DBX2: variants seen among roughly 807,000 people sequenced by gnomAD.
DBX2 encodes the protein developing brain homeobox 2, also known as homeobox protein DBX2.
In DBX2, 16 loss-of-function variants were observed where a neutral mutation model predicts 17.7. The ratio of observed to expected loss-of-function variants is 0.90; its 90% CI spans 0.61 to 1.37. The LOEUF is 1.37. Among genes scored for constraint, DBX2 ranks in the 40% most tolerant of loss-of-function variants. The pLI, the probability that DBX2 is intolerant of heterozygous loss-of-function variation, is 0.00. For synonymous variants in DBX2, 255 were observed against 183.8 expected (o/e 1.39, Z -3.13); for missense variants, 538 against 433.8 (o/e 1.24, Z -2.13).
At chr12:45,023,439 AC>A (rs1359811686) in intron 3 of DBX2, among the ~76,000 whole-genome samples, 1 of 152,162 alleles carries the variant, frequency 6.6e-6, no homozygotes, top group Non-Finnish European at 1.5e-5. Context: ...AATGGCAAAA[AC>A]CTAGACCTCT....
chr12:45,041,333 T>G (rs1946470313), intron 1 of DBX2, among the ~76,000 whole-genome samples: 1 of 152,008 alleles, frequency 6.6e-6, no homozygotes, highest in African/African-American at 2.4e-5. Context: ...TCTAAACTTC[T>G]GACTTGCAAA....
intron 1 of DBX2, among the ~76,000 whole-genome samples, chr12:45,049,339 G>C (rs555323899): frequency 6.6e-6 from 1 of 152,136 alleles, no homozygotes; most frequent in South Asian, 2.1e-4. Flanking sequence ...AAAGAACAGA[G>C]AGGCCCAAAT....
intron 2 of DBX2, among the ~76,000 whole-genome samples, chr12:45,033,026 C>T (rs985970835): frequency 6.6e-6 from 1 of 152,136 alleles, no homozygotes; most frequent in African/African-American, 2.4e-5. Context: ...GTTACCACTG[C>T]CTTTTAATTT....
intron 2 of DBX2, among the ~76,000 whole-genome samples, chr12:45,031,121 G>C (rs7298435): frequency 0.013 from 2,021 of 151,326 alleles, 47 homozygotes; most frequent in African/African-American, 0.046. Flanking sequence ...CCTCACAGTT[G>C]CAACTTCCTA....
intron 2 of DBX2, among the ~76,000 whole-genome samples, chr12:45,025,672 A>G (rs1333639241): frequency 6.6e-6 from 1 of 150,878 alleles, no homozygotes; most frequent in Admixed American, 6.7e-5. Flanking sequence ...ACTATGTAAC[A>G]TAGCACCAGA....
intron 3 of DBX2, among the ~76,000 whole-genome samples, chr12:45,017,798 A>G (rs1004023667): frequency 6.6e-6 from 1 of 152,162 alleles, no homozygotes; most frequent in African/African-American, 2.4e-5. Flanking sequence ...TTAAAAGCCA[A>G]TCATGTTTTT....
chr12:45,046,551 C>A (rs565953583), intron 1 of DBX2, among the ~76,000 whole-genome samples: 1 of 152,286 alleles, frequency 6.6e-6, no homozygotes, highest in East Asian at 1.9e-4. Flanking sequence ...ATCACAAAGT[C>A]TTTACTTAGA....
intron 1 of DBX2, among the ~76,000 whole-genome samples, chr12:45,037,903 GT>G (rs2137028180): frequency 6.6e-6 from 1 of 151,978 alleles, no homozygotes; most frequent in Admixed American, 6.5e-5. Context: ...TCAAGTGTTT[GT>G]TTTAATGCTG....
At chr12:45,041,847 C>T (rs1946473142) in intron 1 of DBX2, among the ~76,000 whole-genome samples, 1 of 152,152 alleles carries the variant, frequency 6.6e-6, no homozygotes. Context: ...TATTCTTTAA[C>T]TTACAGATTT....
intron 1 of DBX2, among the ~76,000 whole-genome samples, chr12:45,049,757 A>G (rs1303742447): frequency 6.6e-6 from 1 of 151,730 alleles, no homozygotes; most frequent in Non-Finnish European, 1.5e-5. Context: ...CCTACATAAT[A>G]TTTGCTAATA....
intron 3 of DBX2, among the ~76,000 whole-genome samples, chr12:45,019,416 A>G (rs778579384): frequency 1.3e-5 from 2 of 152,126 alleles, no homozygotes; most frequent in African/African-American, 2.4e-5. Context: ...AATAACAAAT[A>G]GCATTGCCCA....
chr12:45,044,332 T>C (rs555109970), intron 1 of DBX2, among the ~76,000 whole-genome samples: 1 of 152,288 alleles, frequency 6.6e-6, no homozygotes, highest in African/African-American at 2.4e-5. Flanking sequence ...CAGTCACGGT[T>C]TTTATTCCTT....
At chr12:45,039,273 G>T (rs1321750876) in intron 1 of DBX2, among the ~76,000 whole-genome samples, 1 of 98,864 alleles carries the variant, frequency 1.0e-5, no homozygotes, top group Non-Finnish European at 1.9e-5. Flanking sequence ...GCACTGCATT[G>T]AAGGTATATA....
Position 45,023,742 on chromosome 12 carries a change from T to C in DBX2, c.652A>G (p.Lys218Glu). ...TTTAGTCCCAAGTTGATGGCAAGTT[T>C]CTTTCGGTCTGTTTTGCTGATATAT... ...QKYISKTDRK[K>E]LAINLGLKES... The change falls in exon 3 of 4, where the codon AAA becomes GAA. Residue 218 changes from lysine to glutamate, a missense_variant. By Grantham distance (56) the Lys-to-Glu change is moderately conservative. Transcript: ENST00000332700. 6.2e-7 allele frequency: 1 copy of C among 1,614,192 alleles called. No homozygotes were observed. Among genetic ancestry groups the C allele is most frequent in the African/African-American group, 1.3e-5 (1 of 75,066 alleles).
At chr12:45,025,457 T>A (rs147544566) in intron 2 of DBX2, among the ~76,000 whole-genome samples, 222 of 152,170 alleles carry the variant, frequency 1.5e-3, no homozygotes, top group African/African-American at 5.2e-3. Flanking sequence ...AAATAATAAG[T>A]ACCTGTTGCT....
intron 1 of DBX2, among the ~76,000 whole-genome samples, chr12:45,043,856 C>T (rs954000817): frequency 6.6e-6 from 1 of 152,148 alleles, no homozygotes; most frequent in Non-Finnish European, 1.5e-5. Flanking sequence ...CTTACCAGTG[C>T]GCTTTTGAGG....
chr12:45,018,029 A>G (rs944261566), intron 3 of DBX2, among the ~76,000 whole-genome samples: 2 of 152,280 alleles, frequency 1.3e-5, no homozygotes. Context: ...AATGGCAACA[A>G]AAAAAATCTA....
chr12:45,033,095 AG>A (rs2137025445), intron 2 of DBX2, among the ~76,000 whole-genome samples: 1 of 152,342 alleles, frequency 6.6e-6, no homozygotes, highest in South Asian at 2.1e-4. Context: ...ATATGTGAGA[AG>A]GCCATTGAAT....
chr12:45,026,346 T>C (rs893333438), intron 2 of DBX2, among the ~76,000 whole-genome samples: 1 of 152,200 alleles, frequency 6.6e-6, no homozygotes, highest in African/African-American at 2.4e-5. Flanking sequence ...AAACATACAC[T>C]GAACACCACT....
Sources: gnomAD v4.1 joint callset for allele counts (sites outside exome capture counted in the v4.1 genomes callset) on GRCh38, gnomAD v4.1.1 for gene constraint, MANE v1.5 for transcripts, NCBI Gene and HGNC (gene_info 2026-07-23, HGNC 2026-07-21) for gene names.